The following CARHSP1 variants were observed in gnomAD, a reference collection of about 807,000 sequenced individuals.
CARHSP1 encodes calcium-regulated heat-stable protein 1.
CARHSP1 carries 14 observed loss-of-function variants against 12.5 expected under a neutral mutation model. That is an observed-to-expected ratio of 1.12 (90% CI 0.74 to 1.75). The LOEUF (loss-of-function observed/expected upper bound fraction) is 1.75, where lower values mean the gene tolerates loss of function less well. CARHSP1 is among the 40% of genes most tolerant of loss of function. The pLI, the probability that CARHSP1 is intolerant of heterozygous loss-of-function variation, is 0.00. For synonymous variants in CARHSP1, 161 were observed against 82.0 expected, an observed-to-expected ratio of 1.96 and a Z score of -5.20; for missense variants, 343 against 201.6, an observed-to-expected ratio of 1.70 and a Z score of -4.25.
rs537614451 is a variant in CARHSP1, at chr16:8,861,989, C to CTTTTTTTTTTTTTT, written c.-7-2668_-7-2655dup. On this transcript the variant is annotated intron_variant, in intron 1 of 3. Coordinates refer to ENST00000311052, the MANE Select transcript of CARHSP1 (RefSeq NM_014316.4). Reference sequence around the variant, plus strand: ...TTCTCCTGGAGTCAAGCATAGCTGACTTTTTTTTTTTTTTTTTTTTTTTTT... The same window carrying CTTTTTTTTTTTTTT: ...TTCTCCTGGAGTCAAGCATAGCTGACTTTTTTTTTTTTTTTTTTTTTTTTTTTTTTTTTTTTTTT... Among the ~76,000 whole-genome samples the CTTTTTTTTTTTTTT allele has an allele frequency of 3.0e-3, 241 of 79,770 alleles. 16 individuals carry two copies. The highest frequency in any genetic ancestry group is 0.017 in the Middle Eastern group (2 of 116). 52.3% of individuals were successfully genotyped at this position (79,770 alleles called of 152,430 possible).
chr16:8,861,756 C>T (rs1483119484), intron 1 of CARHSP1: 4 of 1,283,910 alleles, frequency 3.1e-6, no homozygotes, highest in Admixed American at 2.3e-5. Flanking sequence ...AGCTGCTGGC[C>T]TGGGGGCCAG....
At chr16:8,864,202 A>T (rs537760837) in intron 1 of CARHSP1, among the ~76,000 whole-genome samples, 183 of 152,334 alleles carry the variant, frequency 1.2e-3, no homozygotes, top group African/African-American at 4.3e-3. Context: ...GTACACATAC[A>T]TATGTGCCCA....
At chr16:8,856,417 A>ACTTCCAG (rs1404147960) in intron 3 of CARHSP1, among the ~76,000 whole-genome samples, 43 of 152,338 alleles carry the variant, frequency 2.8e-4, no homozygotes, top group African/African-American at 1.0e-3. Flanking sequence ...TCTGCAGCCT[A>ACTTCCAG]CTTCCAGCAG....
intron 3 of CARHSP1, among the ~76,000 whole-genome samples, chr16:8,857,274 T>TTGTTTTTTTTTG (rs1567181170): frequency 1.0e-5 from 1 of 97,524 alleles, no homozygotes; most frequent in East Asian, 3.1e-4. Flanking sequence ...TTTTTTTTTT[T>TTGTTTTTTTTTG]TTTTTTTTTT....
At chr16:8,861,888 T>C (rs2141116021) in intron 1 of CARHSP1, 1 of 1,029,172 alleles carries the variant, frequency 9.7e-7, no homozygotes, top group African/African-American at 1.7e-5. Flanking sequence ...GGACAGCAGA[T>C]GGGAGCAGTG....
intron 1 of CARHSP1, chr16:8,867,283 C>G (rs1201986141): frequency 1.3e-5 from 2 of 152,358 alleles, no homozygotes; most frequent in African/African-American, 4.8e-5. Context: ...TCCCCACTCC[C>G]TCTGTGACCC....
At chr16:8,858,983 G>T in intron 2 of CARHSP1, 188 bp downstream of exon 2, 1 of 530,306 alleles carries the variant, frequency 1.9e-6, no homozygotes, top group Non-Finnish European at 3.3e-6. Context: ...GGTTCTTCTG[G>T]GCTGGGCAGT....
Position 8,858,340 on chromosome 16 carries a change from G to T in CARHSP1, c.281+10C>A. The T allele has an allele frequency of 1.9e-6, 3 of 1,612,584 alleles. No homozygotes were observed. The highest frequency in any genetic ancestry group is 2.5e-6 in the Non-Finnish European group (3 of 1,179,778). ...CCCAGCCAGGCCACCCAGACCTGCCGCTGACTCACTCAGAGATGTGCAGGA... is the reference window on the plus strand; with the variant it reads ...CCCAGCCAGGCCACCCAGACCTGCCTCTGACTCACTCAGAGATGTGCAGGA... On this transcript the variant is annotated intron_variant, in intron 3 of 3. Coordinates refer to ENST00000311052, the MANE Select transcript of CARHSP1 (RefSeq NM_014316.4).
chr16:8,865,592 G>C (rs1219581201), intron 1 of CARHSP1, among the ~76,000 whole-genome samples: 1 of 152,230 alleles, frequency 6.6e-6, no homozygotes, highest in Admixed American at 6.5e-5. Flanking sequence ...GCCAGGGTTG[G>C]GCATGGTGTT....
intron 1 of CARHSP1, chr16:8,867,114 C>G (rs1488847829): frequency 2.0e-5 from 3 of 152,594 alleles, no homozygotes; most frequent in Non-Finnish European, 4.4e-5. Flanking sequence ...GACCCTGCGC[C>G]CGCCCCAGTT....
intron 1 of CARHSP1, among the ~76,000 whole-genome samples, chr16:8,866,223 G>A (rs999026042): frequency 6.6e-6 from 1 of 152,184 alleles, no homozygotes; most frequent in African/African-American, 2.4e-5. Flanking sequence ...CAAAGTGCTG[G>A]GATTACAGGC....
intron 1 of CARHSP1, among the ~76,000 whole-genome samples, chr16:8,860,716 G>A (rs1226134431): frequency 6.6e-6 from 1 of 152,028 alleles, no homozygotes; most frequent in Non-Finnish European, 1.5e-5. Flanking sequence ...CAGCAGCCCT[G>A]GATCGGTTTG....
intron 1 of CARHSP1, chr16:8,860,342 T>C (rs1283465594): frequency 6.1e-6 from 6 of 985,308 alleles, no homozygotes; most frequent in African/African-American, 5.2e-5. Flanking sequence ...CTGTGACCCC[T>C]AGTATGTACC....
chr16:8,857,084 C>G (rs1163879919), intron 3 of CARHSP1, among the ~76,000 whole-genome samples: 2 of 152,098 alleles, frequency 1.3e-5, no homozygotes, highest in Non-Finnish European at 2.9e-5. Flanking sequence ...ACAGGGCTCC[C>G]CAGCCTCATG....
At chr16:8,865,361 C>T (rs949685484) in intron 1 of CARHSP1, among the ~76,000 whole-genome samples, 24 of 152,360 alleles carry the variant, frequency 1.6e-4, no homozygotes, top group Admixed American at 9.8e-4. Flanking sequence ...TTACCCGCTT[C>T]AGCCTCCCAA....
intron 1 of CARHSP1, 35 bp from the exon 2 acceptor site, chr16:8,859,370 T>G: frequency 6.3e-7 from 1 of 1,576,208 alleles, no homozygotes; most frequent in Non-Finnish European, 8.6e-7. Context: ...GGCTCGTGCC[T>G]TGCAAGGTAG....
At chr16:8,856,427 G>C (rs971582461) in intron 3 of CARHSP1, among the ~76,000 whole-genome samples, 3 of 152,178 alleles carry the variant, frequency 2.0e-5, no homozygotes, top group Non-Finnish European at 2.9e-5. Flanking sequence ...ACTTCCAGCA[G>C]CAGAACCAGA....
intron 1 of CARHSP1, chr16:8,861,636 G>T (rs1241574261): frequency 1.6e-5 from 20 of 1,288,996 alleles, no homozygotes; most frequent in Non-Finnish European, 1.8e-5. Context: ...CTGGTGGCTG[G>T]CTTGCCTTCT....
At chr16:8,857,023 A>C (rs997169962) in intron 3 of CARHSP1, among the ~76,000 whole-genome samples, 27 of 152,246 alleles carry the variant, frequency 1.8e-4, no homozygotes, top group African/African-American at 6.3e-4. Flanking sequence ...CAGCCTCACC[A>C]GTCCACCTCC....
Sources: gnomAD v4.1 joint callset for allele counts (sites outside exome capture counted in the v4.1 genomes callset) on GRCh38, gnomAD v4.1.1 for gene constraint, MANE v1.5 for transcripts, NCBI Gene and HGNC (gene_info 2026-07-23, HGNC 2026-07-21) for gene names.